Variants in BBS7 observed in about 807,000 individuals in gnomAD.
The protein encoded by BBS7 is BBSome complex member BBS7.
In BBS7, 50 loss-of-function variants were observed where a neutral mutation model predicts 90.3. That is an observed-to-expected ratio of 0.55 (90% confidence interval 0.44 to 0.70). The LOEUF (loss-of-function observed/expected upper bound fraction) is 0.70, where lower values mean the gene tolerates loss of function less well. Among genes scored for constraint, BBS7 ranks in the 30% least tolerant of loss-of-function variants. The pLI is 0.00. For missense variants in BBS7, 729 were observed against 838.9 expected (o/e 0.87, Z 1.62); for synonymous variants, 235 against 287.4 (o/e 0.82, Z 1.85).
chr4:121,850,299 G>A (rs1726250264), intron 8 of BBS7, among the ~76,000 whole-genome samples: 1 of 151,690 alleles, frequency 6.6e-6, no homozygotes, highest in Non-Finnish European at 1.5e-5. Flanking sequence ...CAAGTAGCTG[G>A]GACTACAGGT....
At chr4:121,834,947 G>A (rs1434619299) in intron 14 of BBS7, among the ~76,000 whole-genome samples, 197 bp downstream of exon 14, 1 of 152,060 alleles carries the variant, frequency 6.6e-6, no homozygotes, top group Non-Finnish European at 1.5e-5. Context: ...AGATGGGAAA[G>A]TCCAACTCAA....
chr4:121,839,938 C>T (rs1304747543), intron 12 of BBS7, among the ~76,000 whole-genome samples: 2 of 152,190 alleles, frequency 1.3e-5, no homozygotes, highest in Non-Finnish European at 2.9e-5. Context: ...AGTGATGAAA[C>T]TGGAATTCAA....
At position 121,843,950 on chromosome 4, in the gene BBS7, TAAC is replaced by T; in HGVS notation, c.1279_1281del (p.Val427del). On this transcript the variant is annotated inframe_deletion, in exon 12 of 19. Coordinates refer to ENST00000264499, the MANE Select transcript of BBS7 (RefSeq NM_176824.3). Reference sequence around the variant, plus strand: ...ACCTCAGAATCACAGCTGCTAAAGCTAACAACAGCAGAATTTTTATCCACATCA... The same window carrying T: ...ACCTCAGAATCACAGCTGCTAAAGCTAACAGCAGAATTTTTATCCACATCA... 1.2e-6 allele frequency: 2 copies of T among 1,602,276 alleles called. No homozygotes were observed. Among genetic ancestry groups the T allele is most frequent in the Non-Finnish European group, 1.7e-6 (2 of 1,172,216 alleles).
intron 2 of BBS7, among the ~76,000 whole-genome samples, chr4:121,865,826 G>A (rs1727238021): frequency 6.6e-6 from 1 of 152,152 alleles, no homozygotes; most frequent in Non-Finnish European, 1.5e-5. Flanking sequence ...TCCCACCAAT[G>A]GCACAGAAGA....
Position 121,858,944 on chromosome 4 carries a change from ATTCT to A in BBS7, c.528+44_528+47del, listed in dbSNP as rs780581231. On this transcript the variant is annotated intron_variant, in intron 5 of 18. Coordinates refer to ENST00000264499, the MANE Select transcript of BBS7 (RefSeq NM_176824.3). ...TCTCAAGTACATAATGTTCATTGATATTCTTTCACATAATATAAAAAATTAGAAA... is the reference window on the plus strand; with the variant it reads ...TCTCAAGTACATAATGTTCATTGATATTCACATAATATAAAAAATTAGAAA... 65 of 1,537,780 alleles carry A rather than the reference ATTCT, an allele frequency of 4.2e-5. No individual in the cohort carries two copies. In the African/African-American group the frequency reaches 8.4e-4, roughly 20 times the overall value.
Position 121,825,359 on chromosome 4 carries a change from T to G in BBS7, c.*501A>C, listed in dbSNP as rs1486135386. 1 of 153,092 alleles carries G rather than the reference T, an allele frequency of 6.5e-6. No homozygotes were observed. Among genetic ancestry groups the G allele is most frequent in the African/African-American group, 2.4e-5 (1 of 41,476 alleles). The allele number at this position is 153,092 out of a possible 1,614,324, so 9.5% of individuals were successfully genotyped here. ...AAAGCAAGTACCAGTACTTGGGTTC[T>G]GGTCCCAGCTTTACAAAATATTAGC... On this transcript the variant is annotated 3_prime_UTR_variant, in exon 19 of 19. Transcript: ENST00000264499.
intron 13 of BBS7, among the ~76,000 whole-genome samples, chr4:121,836,982 T>G (rs974251691): frequency 2.6e-5 from 4 of 151,330 alleles, no homozygotes; most frequent in Admixed American, 2.6e-4. Flanking sequence ...TTTTTTGAGA[T>G]AGAGTCTCAC....
At chr4:121,860,196 CTA>C (rs1241143092) in intron 4 of BBS7, among the ~76,000 whole-genome samples, 1 of 151,942 alleles carries the variant, frequency 6.6e-6, no homozygotes. Context: ...ATGAAATTCT[CTA>C]TGTTTTTCAA....
At chr4:121,829,234 TTTC>T (rs1339564510) in intron 15 of BBS7, among the ~76,000 whole-genome samples, 1 of 142,562 alleles carries the variant, frequency 7.0e-6, no homozygotes, top group Non-Finnish European at 1.5e-5. Context: ...GACCATTATT[TTTC>T]TTTTTTTTTT....
chr4:121,837,454 T>C (rs1004535332), intron 13 of BBS7, among the ~76,000 whole-genome samples: 1 of 152,212 alleles, frequency 6.6e-6, no homozygotes, highest in African/African-American at 2.4e-5. Context: ...TGGCTTAAGA[T>C]AATAATTCAT....
chr4:121,863,040 C>T (rs1727069210), intron 3 of BBS7, among the ~76,000 whole-genome samples, 177 bp downstream of exon 3: 1 of 152,192 alleles, frequency 6.6e-6, no homozygotes. Context: ...AGGTGCCTTA[C>T]AACTAGCTAG....
intron 13 of BBS7, among the ~76,000 whole-genome samples, chr4:121,837,857 C>A (rs911678198): frequency 6.6e-6 from 1 of 152,076 alleles, no homozygotes; most frequent in African/African-American, 2.4e-5. Flanking sequence ...ATAATCCCAG[C>A]ACTTTGGGAG....
chr4:121,836,207 A>C (rs1404718614), intron 13 of BBS7, among the ~76,000 whole-genome samples: 2 of 152,202 alleles, frequency 1.3e-5, no homozygotes, highest in African/African-American at 4.8e-5. Context: ...GGAAGATCTA[A>C]TTTAAGAGAA....
At chr4:121,845,982 G>C (rs1318123942) in intron 10 of BBS7, among the ~76,000 whole-genome samples, 2 of 152,058 alleles carry the variant, frequency 1.3e-5, no homozygotes, top group Non-Finnish European at 2.9e-5. Flanking sequence ...CTTAACACAG[G>C]AATCTTGTTA....
chr4:121,866,741 T>TA lies in BBS7; in HGVS notation c.102+1239dup, dbSNP rs1325860610. On this transcript the variant is annotated intron_variant, in intron 2 of 18. Coordinates refer to ENST00000264499, the MANE Select transcript of BBS7 (RefSeq NM_176824.3). ...TTGTCAAAAATCAGTTGGTTGTAGA[T>TA]ATGTGGATTAATTTCTGAGTTCTCT... Among the ~76,000 whole-genome samples, 4 of 152,320 alleles carry TA rather than the reference T, an allele frequency of 2.6e-5. No individual in the cohort carries two copies. The South Asian group carries it at 8.3e-4, about 32-fold the overall frequency.
intron 13 of BBS7, among the ~76,000 whole-genome samples, chr4:121,838,102 T>TA (rs35773052): frequency 0.3 from 43,621 of 144,740 alleles, 7,568 homozygotes; most frequent in East Asian, 0.44. Context: ...AGACTCCATC[T>TA]AAAAAAAAAA....
chr4:121,831,443 C>A (rs1236227090), intron 15 of BBS7, among the ~76,000 whole-genome samples: 4 of 150,330 alleles, frequency 2.7e-5, no homozygotes, highest in African/African-American at 9.8e-5. Flanking sequence ...CCAGCTTGGG[C>A]AACACAGTGA....
intron 11 of BBS7, 79 bp downstream of exon 11, chr4:121,845,425 T>C: frequency 3.4e-6 from 3 of 870,470 alleles, no homozygotes. Context: ...ACTAAAAATG[T>C]TCAATAATAA....
rs762563957 is a variant in BBS7 at position 121,835,295 on chromosome 4, C to T, written c.1372-12G>A. ...TCAATTGAGCGAATCTGATTCAACACAAAAGAGGAAATAAAATAAGAATAT... is the reference window on the plus strand; with the variant it reads ...TCAATTGAGCGAATCTGATTCAACATAAAAGAGGAAATAAAATAAGAATAT... On this transcript the variant is annotated splice_polypyrimidine_tract_variant and intron_variant, in intron 13 of 18. Coordinates refer to ENST00000264499, the MANE Select transcript of BBS7 (RefSeq NM_176824.3). 2.5e-6 allele frequency: 4 copies of T among 1,613,056 alleles called. No individual in the cohort carries two copies. Among genetic ancestry groups the T allele is most frequent in the Middle Eastern group, 3.3e-4 (2 of 6,054 alleles).
Sources: gnomAD v4.1 joint callset for allele counts (sites outside exome capture counted in the v4.1 genomes callset) on GRCh38, gnomAD v4.1.1 for gene constraint, MANE v1.5 for transcripts, NCBI Gene and HGNC (gene_info 2026-07-23, HGNC 2026-07-21) for gene names.